Variants in PIAS1 observed in about 807,000 individuals in gnomAD.
PIAS1 encodes protein inhibitor of activated STAT 1, also known as E3 SUMO-protein ligase PIAS1.
A neutral mutation model predicts 71.3 loss-of-function variants in PIAS1; 6 were observed. The observed-to-expected ratio is 0.08, with a 90% CI of 0.05 to 0.17. The LOEUF (loss-of-function observed/expected upper bound fraction) is 0.17. Ranked by LOEUF, PIAS1 falls within the 10% of genes least tolerant of loss-of-function variation. The pLI, the probability that PIAS1 is intolerant of heterozygous loss-of-function variation, is 1.00. For missense variants in PIAS1, 555 were observed against 793.6 expected (o/e 0.70, Z 3.61); for synonymous variants, 303 against 292.9 (o/e 1.03, Z -0.35).
chr15:68,118,362 A>G (rs1348428432), intron 2 of PIAS1, among the ~76,000 whole-genome samples: 1 of 151,988 alleles, frequency 6.6e-6, no homozygotes, highest in Non-Finnish European at 1.5e-5. Flanking sequence ...AAAGAGTCAC[A>G]GTCTTGCTCT....
intron 2 of PIAS1, among the ~76,000 whole-genome samples, chr15:68,119,338 G>A (rs529606892): frequency 6.7e-6 from 1 of 149,576 alleles, no homozygotes; most frequent in South Asian, 2.1e-4. Flanking sequence ...CCAGCTACTT[G>A]GGAGGCTGAG....
chr15:68,066,368 C>T (rs2092026260), intron 1 of PIAS1, among the ~76,000 whole-genome samples: 1 of 152,042 alleles, frequency 6.6e-6, no homozygotes, highest in Admixed American at 6.5e-5. Context: ...CTCAGCCTCC[C>T]AAAGTGCTGG....
At chr15:68,165,657 T>G (rs2092953038) in intron 8 of PIAS1, among the ~76,000 whole-genome samples, 1 of 152,228 alleles carries the variant, frequency 6.6e-6, no homozygotes, top group Non-Finnish European at 1.5e-5. Flanking sequence ...GTCCCAAGAC[T>G]TAGCCAAATT....
rs569690119 is a variant in PIAS1, at chr15:68,166,984, C to T, written c.1008+2180C>T. 2.2e-4 allele frequency among the ~76,000 whole-genome samples: 33 copies of T among 152,278 alleles called. 1 individual carries two copies. Among genetic ancestry groups the T allele is most frequent in the African/African-American group, 7.2e-4 (30 of 41,556 alleles). On this transcript the variant is annotated intron_variant, in intron 8 of 13. Transcript: ENST00000249636. ...GGGACTACCGGCATGTGCCACCACA[C>T]CCGGCTGATTTTTGCATTTTTTTGT...
rs908979274 is a variant in PIAS1 at position 68,190,712 on chromosome 15, G to C, written c.*2877G>C. ...ATAAAATAGCTATTTGACTAGCAGG[G>C]TTAAAGTGGCTTTTAATTACTTCGT... On this transcript the variant is annotated 3_prime_UTR_variant, in exon 14 of 14. Coordinates refer to ENST00000249636, the MANE Select transcript of PIAS1 (RefSeq NM_016166.3). The surrounding 1 kb of genome is among the most constrained non-coding windows in gnomAD (Gnocchi z 4.7). 1 of 151,720 alleles carries C rather than the reference G, an allele frequency of 6.6e-6. No homozygotes were observed. Among genetic ancestry groups the C allele is most frequent in the Non-Finnish European group, 1.5e-5 (1 of 67,976 alleles). The allele number at this position is 151,720 out of a possible 1,614,324, so 9.4% of individuals were successfully genotyped here.
intron 6 of PIAS1, among the ~76,000 whole-genome samples, chr15:68,152,899 C>CTT (rs71287005): frequency 0.019 from 2,373 of 121,916 alleles, 91 homozygotes; most frequent in African/African-American, 0.067. Flanking sequence ...TTTGGCTTTT[C>CTT]TTTTTTTTTT....
chr15:68,145,558 A>G (rs1173790894), intron 4 of PIAS1, among the ~76,000 whole-genome samples: 2 of 152,174 alleles, frequency 1.3e-5, no homozygotes, highest in Non-Finnish European at 2.9e-5. Context: ...TTCTCAGAAC[A>G]TGCTTAACCA....
chr15:68,130,926 A>G (rs1211921911), intron 2 of PIAS1, among the ~76,000 whole-genome samples: 3 of 152,178 alleles, frequency 2.0e-5, no homozygotes, highest in Non-Finnish European at 4.4e-5. Flanking sequence ...TGGGTTAGGT[A>G]GGCACTGTTA....
At chr15:68,114,029 T>TACAC (rs58536041) in intron 2 of PIAS1, among the ~76,000 whole-genome samples, 1,388 of 125,306 alleles carry the variant, frequency 0.011, 23 homozygotes, top group African/African-American at 0.033. Context: ...ATATATTTCA[T>TACAC]ACACACACAC....
intron 1 of PIAS1, chr15:68,057,594 A>G (rs934341372): frequency 2.8e-6 from 1 of 358,672 alleles, no homozygotes. Context: ...AGTGAATTCT[A>G]TTGTTATTTT....
chr15:68,175,736 G>C lies in PIAS1; in HGVS notation c.1269G>C (p.Gln423His). The C allele has an allele frequency of 6.2e-7, 1 of 1,607,088 alleles. No individual in the cohort carries two copies. The highest frequency in any genetic ancestry group is 1.1e-5 in the South Asian group (1 of 89,824). Residue 423 changes from glutamine (Q) to histidine (H), a missense_variant, in exon 10 of 14, where the codon CAG becomes CAC. Physicochemically the swap from Gln to His is conservative, Grantham distance 24. This residue lies in a region of PIAS1 where 244 missense variants were observed against 307.5 expected (regional missense o/e 0.79). Transcript: ENST00000249636. ...WAPMRSKKEVQEVSASYNGVD... is the reference protein window; with the variant it reads ...WAPMRSKKEVHEVSASYNGVD... ...CGATGAGATCAAAAAAGGAAGTACA[G>C]GAAGTTTCTGCCTCTTACAATGGAG...
chr15:68,140,619 A>T (rs921182221), intron 2 of PIAS1, among the ~76,000 whole-genome samples: 1 of 152,202 alleles, frequency 6.6e-6, no homozygotes, highest in African/African-American at 2.4e-5. Flanking sequence ...TTGAGATAGA[A>T]TTCTAGATCA....
At position 68,189,147 on chromosome 15, in the gene PIAS1, C is replaced by T. The variant is rs2093106444; in HGVS notation, c.*1312C>T. 6.6e-6 allele frequency: 1 copy of T among 152,046 alleles called. No homozygotes were observed. Among genetic ancestry groups the T allele is most frequent in the Non-Finnish European group, 1.5e-5 (1 of 68,016 alleles). 9.4% of individuals were successfully genotyped at this position (152,046 alleles called of 1,614,324 possible). Reference sequence around the variant, plus strand: ...TTTTTTTTAGAATTCATGGATCAGTCTGATCTACTCTTATTCATAATGGAA... The same window carrying T: ...TTTTTTTTAGAATTCATGGATCAGTTTGATCTACTCTTATTCATAATGGAA... On this transcript the variant is annotated 3_prime_UTR_variant, in exon 14 of 14. Transcript: ENST00000249636.
chr15:68,089,088 C>G (rs1003665942), intron 2 of PIAS1, among the ~76,000 whole-genome samples: 4 of 152,154 alleles, frequency 2.6e-5, no homozygotes, highest in African/African-American at 9.7e-5. Flanking sequence ...TGGCCTTAAG[C>G]ACTAGATTTA....
intron 2 of PIAS1, among the ~76,000 whole-genome samples, chr15:68,090,944 G>GTGTGTGTGTT (rs1555425148): frequency 6.6e-6 from 1 of 151,504 alleles, no homozygotes; most frequent in Non-Finnish European, 1.5e-5. Flanking sequence ...GTGTGTGTGT[G>GTGTGTGTGTT]TGTGTGTGTG....
rs2092803456 is a variant in PIAS1, at chr15:68,145,734, C to G, written c.603-82C>G. ...TTTTGGTTGTTTTTAAATTTACCAT[C>G]TTTTAAATTTATCTATTTAACAATA... On this transcript the variant is annotated intron_variant, in intron 4 of 13. Coordinates refer to ENST00000249636, the MANE Select transcript of PIAS1 (RefSeq NM_016166.3). The G allele has an allele frequency of 3.7e-6, 3 of 804,828 alleles. No homozygotes were observed. In the Admixed American group the frequency reaches 6.8e-5, roughly 18 times the overall value. The allele number at this position is 804,828 out of a possible 1,614,324, so 49.9% of individuals were successfully genotyped here. A position where few individuals can be genotyped will look rare whatever the true frequency, so the allele number is the denominator to read the frequency against.
At position 68,055,906 on chromosome 15, in the gene PIAS1, A is replaced by G. The variant is rs190440337; in HGVS notation, c.24+1556A>G. The G allele has an allele frequency of 2.4e-4, 167 of 701,444 alleles. No individual in the cohort carries two copies. In the African/African-American group the frequency reaches 2.7e-3, roughly 12 times the overall value. 43.5% of individuals were successfully genotyped at this position (701,444 alleles called of 1,614,324 possible). A position where few individuals can be genotyped will look rare whatever the true frequency, so the allele number is the denominator to read the frequency against. The stretch of plus-strand genomic sequence containing the variant: ...ACAATGTTTACACTCCAAGATTCGT[A>G]TGTTAAGGTATTGGCTTTGAGTGTC... On this transcript the variant is annotated intron_variant, in intron 1 of 13. Coordinates refer to ENST00000249636, the MANE Select transcript of PIAS1 (RefSeq NM_016166.3).
chr15:68,125,205 T>C (rs2092642275), intron 2 of PIAS1, among the ~76,000 whole-genome samples: 1 of 152,202 alleles, frequency 6.6e-6, no homozygotes, highest in African/African-American at 2.4e-5. Flanking sequence ...CCAAAATTTT[T>C]TTGCCACTGT....
intron 12 of PIAS1, among the ~76,000 whole-genome samples, chr15:68,182,428 G>A (rs1367069597): frequency 5.1e-5 from 1 of 19,418 alleles, no homozygotes; most frequent in Non-Finnish European, 1.3e-4. Context: ...TACAGCTAGT[G>A]TGTGTGTGTG....
Sources: gnomAD v4.1 joint callset for allele counts (sites outside exome capture counted in the v4.1 genomes callset) on GRCh38, gnomAD v4.1.1 for gene constraint, gnomAD v4.1.1 regional missense constraint, Gnocchi (gnomAD v3.1) non-coding constraint, MANE v1.5 for transcripts, NCBI Gene and HGNC (gene_info 2026-07-23, HGNC 2026-07-21) for gene names.